CTNND2: variants seen among roughly 807,000 people sequenced by gnomAD.
CTNND2 encodes the protein catenin delta-2.
A neutral mutation model predicts 144.4 loss-of-function variants in CTNND2; 22 were observed. The ratio of observed to expected loss-of-function variants is 0.15; its 90% CI spans 0.11 to 0.22. CTNND2 has a LOEUF of 0.22. Ranked by LOEUF, CTNND2 falls within the 10% of genes least tolerant of loss-of-function variation. The pLI, the probability that CTNND2 is intolerant of heterozygous loss-of-function variation, is 1.00. For missense variants in CTNND2, 1,353 were observed against 1,618.8 expected (o/e 0.84, Z 2.82); for synonymous variants, 751 against 695.6 (o/e 1.08, Z -1.25).
intron 9 of CTNND2, among the ~76,000 whole-genome samples, chr5:11,257,736 C>G (rs369276288): frequency 1.3e-5 from 2 of 152,324 alleles, no homozygotes; most frequent in Admixed American, 6.5e-5. Context: ...CCCACCCTAA[C>G]AGGAGCCTGA....
chr5:11,287,648 C>T (rs1469708316), intron 9 of CTNND2, among the ~76,000 whole-genome samples: 12 of 152,168 alleles, frequency 7.9e-5, no homozygotes, highest in African/African-American at 2.2e-4. Flanking sequence ...CATATACGAC[C>T]TTTACAGTAC....
chr5:11,250,520 T>TATATATATATATATA (rs1491283471), intron 9 of CTNND2, among the ~76,000 whole-genome samples: 2 of 5,540 alleles, frequency 3.6e-4, no homozygotes, highest in Non-Finnish European at 4.4e-4. Flanking sequence ...TATACATATA[T>TATATATATATATATA]TTTTTTTTTT....
intron 3 of CTNND2, among the ~76,000 whole-genome samples, chr5:11,542,438 G>A (rs1774847422): frequency 6.6e-6 from 1 of 152,104 alleles, no homozygotes; most frequent in African/African-American, 2.4e-5. Context: ...GACTAGAGCA[G>A]CCAACATAAG....
intron 1 of CTNND2, among the ~76,000 whole-genome samples, chr5:11,850,231 A>G (rs1242220478): frequency 6.6e-6 from 1 of 152,144 alleles, no homozygotes; most frequent in Non-Finnish European, 1.5e-5. Flanking sequence ...TCATGGAAAG[A>G]CGTTTCACTC....
At chr5:11,374,696 C>T (rs1757754056) in intron 7 of CTNND2, among the ~76,000 whole-genome samples, 1 of 151,108 alleles carries the variant, frequency 6.6e-6, no homozygotes, top group Non-Finnish European at 1.5e-5. Flanking sequence ...CATCTGGAGT[C>T]TGGCTTCCAG....
At chr5:11,854,844 G>A (rs1166313347) in intron 1 of CTNND2, among the ~76,000 whole-genome samples, 1 of 152,158 alleles carries the variant, frequency 6.6e-6, no homozygotes, top group African/African-American at 2.4e-5. Flanking sequence ...ACGTTTCACA[G>A]TTTTTGTTGT....
intron 9 of CTNND2, among the ~76,000 whole-genome samples, chr5:11,342,701 C>T (rs1008582458): frequency 6.6e-6 from 1 of 151,966 alleles, no homozygotes; most frequent in Non-Finnish European, 1.5e-5. Context: ...GTTATAATAC[C>T]CTTAGTATAT....
At chr5:11,335,305 A>G (rs1358534477) in intron 9 of CTNND2, among the ~76,000 whole-genome samples, 1 of 152,240 alleles carries the variant, frequency 6.6e-6, no homozygotes, top group Admixed American at 6.5e-5. Context: ...AAACATCTCA[A>G]GAAGCAATGG....
chr5:11,409,369 C>T (rs1761339389), intron 5 of CTNND2, among the ~76,000 whole-genome samples: 1 of 151,958 alleles, frequency 6.6e-6, no homozygotes, highest in African/African-American at 2.4e-5. Flanking sequence ...ACATATGTAA[C>T]AAACATATAC....
At chr5:11,680,426 T>C (rs188172596) in intron 2 of CTNND2, among the ~76,000 whole-genome samples, 2 of 151,856 alleles carry the variant, frequency 1.3e-5, no homozygotes, top group Admixed American at 6.6e-5. Context: ...TACTGACACA[T>C]TTAGTGGAAA....
chr5:11,016,442 T>TC (rs1057380419), intron 18 of CTNND2, among the ~76,000 whole-genome samples: 1 of 152,218 alleles, frequency 6.6e-6, no homozygotes, highest in Non-Finnish European at 1.5e-5. Context: ...AATATTTTTT[T>TC]CCCCCATTGC....
intron 2 of CTNND2, among the ~76,000 whole-genome samples, chr5:11,643,440 G>A (rs185905031): frequency 2.2e-5 from 3 of 134,926 alleles, no homozygotes; most frequent in East Asian, 2.2e-4. Context: ...CTGTGTCCAC[G>A]TGTTCTCATT....
At chr5:11,246,631 C>T (rs1743033673) in intron 9 of CTNND2, among the ~76,000 whole-genome samples, 1 of 148,326 alleles carries the variant, frequency 6.7e-6, no homozygotes, top group African/African-American at 2.5e-5. Flanking sequence ...TGGTGCTTTG[C>T]TATGGCCACC....
chr5:11,842,073 C>A (rs971591519), intron 1 of CTNND2, among the ~76,000 whole-genome samples: 5 of 151,778 alleles, frequency 3.3e-5, no homozygotes, highest in African/African-American at 1.2e-4. Context: ...CTAGACAGGG[C>A]AAGAGATGTA....
At position 11,639,409 on chromosome 5, in the gene CTNND2, T is replaced by G. The variant is rs142541441; in HGVS notation, c.175-74353A>C. Reference sequence around the variant, plus strand: ...GTTAGCAAGATCCCCAGGTGACTCATATGGATAGTCCAATTTGAGAAGCAC... The same window carrying G: ...GTTAGCAAGATCCCCAGGTGACTCAGATGGATAGTCCAATTTGAGAAGCAC... On this transcript the variant is annotated intron_variant, in intron 2 of 21. Coordinates refer to ENST00000304623, the MANE Select transcript of CTNND2 (RefSeq NM_001332.4). 1.1e-3 allele frequency among the ~76,000 whole-genome samples: 167 copies of G among 152,314 alleles called. 1 individual carries two copies. Among genetic ancestry groups the G allele is most frequent in the Middle Eastern group, 6.8e-3 (2 of 294 alleles).
chr5:11,018,127 T>C (rs1580053516), intron 17 of CTNND2, 69 bp from the exon 18 acceptor site: 5 of 1,078,836 alleles, frequency 4.6e-6, no homozygotes, highest in East Asian at 2.4e-5. Context: ...GTAATTCTTG[T>C]AGTATTTCAA....
chr5:11,145,388 G>A (rs1757146520), intron 12 of CTNND2, among the ~76,000 whole-genome samples: 1 of 152,016 alleles, frequency 6.6e-6, no homozygotes, highest in East Asian at 1.9e-4. Flanking sequence ...CTTTACAGAG[G>A]GAGAAACTGA....
At chr5:11,281,435 A>C (rs1432951095) in intron 9 of CTNND2, among the ~76,000 whole-genome samples, 1 of 152,274 alleles carries the variant, frequency 6.6e-6, no homozygotes, top group Non-Finnish European at 1.5e-5. Context: ...AGCAACAGCA[A>C]ATAGCCACAG....
intron 1 of CTNND2, among the ~76,000 whole-genome samples, chr5:11,895,475 G>C (rs776266681): frequency 1.3e-5 from 2 of 152,158 alleles, no homozygotes; most frequent in Non-Finnish European, 2.9e-5. Context: ...CGTTCACTTA[G>C]AAAATGATGA....
Sources: gnomAD v4.1 joint callset for allele counts (sites outside exome capture counted in the v4.1 genomes callset) on GRCh38, gnomAD v4.1.1 for gene constraint, MANE v1.5 for transcripts, NCBI Gene and HGNC (gene_info 2026-07-23, HGNC 2026-07-21) for gene names.